Variants in NUFIP1 observed in about 807,000 individuals in gnomAD.
NUFIP1 encodes the protein nuclear FMR1 interacting protein 1.
NUFIP1 carries 38 observed loss-of-function variants against 56.2 expected under a neutral mutation model. That is an observed-to-expected ratio of 0.68 (90% CI 0.52 to 0.89). NUFIP1 has a LOEUF of 0.89. Among genes scored for constraint, NUFIP1 ranks in the 40% least tolerant of loss-of-function variants. The probability of loss-of-function intolerance (pLI) is 0.00; values close to 1 mark genes in which losing one functional copy is unlikely to be tolerated. For synonymous variants in NUFIP1, 215 were observed against 212.4 expected, an observed-to-expected ratio of 1.01 and a Z score of -0.10; for missense variants, 567 against 605.8, an observed-to-expected ratio of 0.94 and a Z score of 0.67.
intron 1 of NUFIP1, among the ~76,000 whole-genome samples, chr13:44,983,570 G>A (rs1432104110): frequency 3.3e-5 from 5 of 152,162 alleles, no homozygotes; most frequent in African/African-American, 1.2e-4. Context: ...GCCAAGGCGG[G>A]CAGACCACTT....
At position 44,989,256 on chromosome 13, in the gene NUFIP1, G is replaced by A. The variant is rs781114939; in HGVS notation, c.181C>T (p.Pro61Ser). The change falls in exon 1 of 10, where the codon CCT becomes TCT. Residue 61 changes from proline to serine, a missense_variant. By Grantham distance (74) the Pro-to-Ser change is moderately conservative. Coordinates refer to ENST00000379161, the MANE Select transcript of NUFIP1 (RefSeq NM_012345.3). Reference protein sequence around the residue: ...TSSLPAAGSKPSSESQPPMEA... With the variant: ...TSSLPAAGSKSSSESQPPMEA... ...ATGGGGGGCTGCGACTCAGAGGAAG[G>A]CTTTGACCCGGCTGCGGGAAGCGAG... 3.7e-6 allele frequency: 6 copies of A among 1,613,334 alleles called. No individual in the cohort carries two copies. In the East Asian group the frequency reaches 1.1e-4, roughly 30 times the overall value.
intron 7 of NUFIP1, among the ~76,000 whole-genome samples, chr13:44,953,616 T>C (rs921554351): frequency 6.6e-6 from 1 of 152,208 alleles, no homozygotes; most frequent in Non-Finnish European, 1.5e-5. Flanking sequence ...GAACTCTTTC[T>C]AGTATCCTTC....
intron 1 of NUFIP1, among the ~76,000 whole-genome samples, chr13:44,985,237 A>G (rs1242413373): frequency 5.3e-5 from 8 of 152,238 alleles, no homozygotes; most frequent in Admixed American, 4.6e-4. Context: ...ATATATTCCA[A>G]CTTTAATTCC....
intron 5 of NUFIP1, among the ~76,000 whole-genome samples, chr13:44,967,104 A>AG (rs1019698800): frequency 2.0e-5 from 3 of 152,118 alleles, no homozygotes; most frequent in African/African-American, 7.2e-5. Flanking sequence ...ACTGGGGGGT[A>AG]GGGGTGGAAT....
chr13:44,968,025 G>A (rs183370715), intron 5 of NUFIP1, among the ~76,000 whole-genome samples: 4 of 152,028 alleles, frequency 2.6e-5, no homozygotes, highest in East Asian at 3.9e-4. Flanking sequence ...CCTATGGGTG[G>A]GCCATACTGA....
intron 7 of NUFIP1, among the ~76,000 whole-genome samples, chr13:44,956,142 A>C (rs1209422662): frequency 9.9e-6 from 1 of 100,542 alleles, no homozygotes; most frequent in Non-Finnish European, 2.1e-5. Context: ...ACTCCGTCTC[A>C]AAAAAAAAAA....
chr13:44,959,632 T>G (rs1342452046), intron 6 of NUFIP1, 58 bp from the exon 7 acceptor site: 1 of 1,468,480 alleles, frequency 6.8e-7, no homozygotes, highest in Non-Finnish European at 9.3e-7. Context: ...CAAGAAAATT[T>G]TGAAAAAGAC....
chr13:44,941,151 A>T lies in NUFIP1; in HGVS notation c.*55T>A, dbSNP rs1870718987. The T allele has an allele frequency of 2.2e-6, 2 of 890,396 alleles. No individual in the cohort carries two copies. Among genetic ancestry groups the T allele is most frequent in the South Asian group, 3.2e-5 (2 of 63,038 alleles). 55.2% of individuals were successfully genotyped at this position (890,396 alleles called of 1,614,324 possible). ...AAAGGGTTTTGGTTTTCCTCTACTAACGAGGATGATACTGTTTCACATGCT... is the reference window on the plus strand; with the variant it reads ...AAAGGGTTTTGGTTTTCCTCTACTATCGAGGATGATACTGTTTCACATGCT... On this transcript the variant is annotated 3_prime_UTR_variant, in exon 10 of 10. Coordinates refer to ENST00000379161, the MANE Select transcript of NUFIP1 (RefSeq NM_012345.3).
At chr13:44,988,477 T>C (rs972483948) in intron 1 of NUFIP1, among the ~76,000 whole-genome samples, 3 of 151,988 alleles carry the variant, frequency 2.0e-5, no homozygotes, top group African/African-American at 7.3e-5. Flanking sequence ...AAAAAGAAAA[T>C]CCTGCACTAC....
chr13:44,966,842 G>A (rs867122611), intron 5 of NUFIP1, among the ~76,000 whole-genome samples: 10 of 151,462 alleles, frequency 6.6e-5, no homozygotes, highest in Middle Eastern at 6.8e-3. Context: ...GTGTGGTGGC[G>A]GGCGCCTGTA....
chr13:44,960,542 T>C (rs1871389320), intron 6 of NUFIP1, among the ~76,000 whole-genome samples: 1 of 152,126 alleles, frequency 6.6e-6, no homozygotes, highest in Admixed American at 6.5e-5. Flanking sequence ...GCCAGGATTA[T>C]AGGCATGAGC....
intron 5 of NUFIP1, among the ~76,000 whole-genome samples, chr13:44,975,362 T>C (rs1023731511): frequency 6.6e-6 from 1 of 151,920 alleles, no homozygotes; most frequent in Non-Finnish European, 1.5e-5. Context: ...ACCCAATACC[T>C]CCAAAGCCCA....
intron 5 of NUFIP1, among the ~76,000 whole-genome samples, chr13:44,971,299 A>G (rs1392088341): frequency 6.6e-6 from 1 of 152,076 alleles, no homozygotes; most frequent in Non-Finnish European, 1.5e-5. Context: ...ACACCTCTAA[A>G]TTTCACAAAC....
chr13:44,978,164 C>T (rs890213691), intron 5 of NUFIP1, among the ~76,000 whole-genome samples: 6 of 152,194 alleles, frequency 3.9e-5, no homozygotes, highest in African/African-American at 4.8e-5. Context: ...TCTGAATCTT[C>T]GTGCTTCTGC....
intron 6 of NUFIP1, among the ~76,000 whole-genome samples, chr13:44,964,318 A>C (rs1871523279): frequency 6.6e-6 from 1 of 152,234 alleles, no homozygotes; most frequent in East Asian, 1.9e-4. Flanking sequence ...ATAAAGTAAC[A>C]GGGACTGAAT....
At chr13:44,983,560 G>A (rs1396797359) in intron 1 of NUFIP1, among the ~76,000 whole-genome samples, 1 of 152,124 alleles carries the variant, frequency 6.6e-6, no homozygotes, top group Non-Finnish European at 1.5e-5. Flanking sequence ...ACTTTGGGAG[G>A]CCAAGGCGGG....
At chr13:44,980,928 C>A in intron 2 of NUFIP1, 108 bp from the exon 3 acceptor site, 1 of 626,340 alleles carries the variant, frequency 1.6e-6, no homozygotes, top group Non-Finnish European at 2.7e-6. Context: ...TTCCAATAAC[C>A]CTTTCGTGTG....
At chr13:44,973,573 T>C (rs1211942635) in intron 5 of NUFIP1, among the ~76,000 whole-genome samples, 4 of 152,120 alleles carry the variant, frequency 2.6e-5, no homozygotes, top group African/African-American at 7.2e-5. Flanking sequence ...CAGGTAAAAG[T>C]TGGTTCTTAC....
At chr13:44,947,044 T>C in intron 8 of NUFIP1, among the ~76,000 whole-genome samples, 1 of 152,206 alleles carries the variant, frequency 6.6e-6, no homozygotes, top group East Asian at 1.9e-4. Flanking sequence ...CAAAATCTTA[T>C]ATATAGTTTA....
Sources: gnomAD v4.1 joint callset for allele counts (sites outside exome capture counted in the v4.1 genomes callset) on GRCh38, gnomAD v4.1.1 for gene constraint, MANE v1.5 for transcripts, NCBI Gene and HGNC (gene_info 2026-07-23, HGNC 2026-07-21) for gene names.